Variants in TRAPPC9 observed in about 807,000 individuals in gnomAD.
TRAPPC9 encodes trafficking protein particle complex subunit 9, also known as IKK2 binding protein.
Under a neutral mutation model 124.0 loss-of-function variants are expected in TRAPPC9, and 83 were observed. That is an observed-to-expected ratio of 0.67 (90% confidence interval 0.56 to 0.80). The LOEUF (loss-of-function observed/expected upper bound fraction) is 0.80. Among genes scored for constraint, TRAPPC9 ranks in the 30% least tolerant of loss-of-function variants. The pLI is 0.00. For missense variants in TRAPPC9, 1,302 were observed against 1,508.3 expected (o/e 0.86, Z 2.27); for synonymous variants, 638 against 617.5 (o/e 1.03, Z -0.49).
intron 21 of TRAPPC9, among the ~76,000 whole-genome samples, chr8:139,827,713 G>C (rs189524693): frequency 6.6e-6 from 1 of 152,212 alleles, no homozygotes; most frequent in Admixed American, 6.5e-5. Flanking sequence ...GGAGGAGCTC[G>C]GTGCCAGGCT....
chr8:139,757,859 A>G lies in TRAPPC9; in HGVS notation c.3056-25657T>C, dbSNP rs1220762458. 2.0e-5 allele frequency among the ~76,000 whole-genome samples: 3 copies of G among 152,124 alleles called. No individual in the cohort carries two copies. In the East Asian group the frequency reaches 5.8e-4, roughly 29 times the overall value. On this transcript the variant is annotated intron_variant, in intron 21 of 22. Transcript: ENST00000438773. ...GGCTCGCCTCCCTGTCCAAGGGGGA[A>G]TCCCTGAACCCACGGCAAGGACGCT...
At chr8:140,458,267 TCCCCGC>T (rs772409227), upstream of TRAPPC9, 2 of 1,552,280 alleles carry the variant, frequency 1.3e-6, no homozygotes, top group Admixed American at 3.9e-5. Flanking sequence ...CCCAGTTCTG[TCCCCGC>T]CGCTTACCAG....
At chr8:140,031,276 G>T (rs1351626562) in intron 17 of TRAPPC9, among the ~76,000 whole-genome samples, 1 of 152,188 alleles carries the variant, frequency 6.6e-6, no homozygotes, top group East Asian at 1.9e-4. Flanking sequence ...CACTTGTCCA[G>T]TTCTCAGTCT....
intron 9 of TRAPPC9, among the ~76,000 whole-genome samples, chr8:140,323,063 C>T (rs1007381746): frequency 1.3e-5 from 2 of 152,176 alleles, no homozygotes; most frequent in African/African-American, 4.8e-5. Context: ...TAGAGCCCCA[C>T]CACGGGGGAC....
chr8:139,932,203 G>C (rs1230779279), intron 19 of TRAPPC9: 2 of 408,252 alleles, frequency 4.9e-6, no homozygotes, highest in Non-Finnish European at 9.9e-6. Flanking sequence ...CAGCCAGGCA[G>C]GCCCCGCAGG....
chr8:139,744,760 G>A (rs921929781), intron 21 of TRAPPC9, among the ~76,000 whole-genome samples: 6 of 152,338 alleles, frequency 3.9e-5, no homozygotes, highest in African/African-American at 1.2e-4. Flanking sequence ...TGCTGGCCCC[G>A]CATGTGTAAT....
chr8:140,454,510 C>A (rs1273348443), intron 1 of TRAPPC9, among the ~76,000 whole-genome samples: 1 of 149,786 alleles, frequency 6.7e-6, no homozygotes, highest in African/African-American at 2.5e-5. Context: ...CGTGGTGGCG[C>A]ATGCCTGTGA....
chr8:140,456,865 A>T (rs2071685057), intron 1 of TRAPPC9: 1 of 984,518 alleles, frequency 1.0e-6, no homozygotes, highest in South Asian at 4.7e-5. Flanking sequence ...AAGACAGACA[A>T]CGCATCCTAA....
intron 6 of TRAPPC9, among the ~76,000 whole-genome samples, chr8:140,400,669 T>C (rs905614929): frequency 2.6e-5 from 4 of 152,184 alleles, no homozygotes; most frequent in Non-Finnish European, 5.9e-5. Flanking sequence ...CTGGGGAGTA[T>C]CTCTTAAGCT....
intron 9 of TRAPPC9, among the ~76,000 whole-genome samples, chr8:140,354,099 G>A (rs761426162): frequency 9.2e-5 from 14 of 152,200 alleles, no homozygotes; most frequent in African/African-American, 1.4e-4. Context: ...AATTTAGTAC[G>A]GCCAAATACA....
At chr8:140,130,034 G>T (rs2061176262) in intron 17 of TRAPPC9, among the ~76,000 whole-genome samples, 1 of 152,186 alleles carries the variant, frequency 6.6e-6, no homozygotes, top group Non-Finnish European at 1.5e-5. Flanking sequence ...TTAGCCTGGA[G>T]CATCTCACGC....
At chr8:139,823,430 G>A (rs1267289018) in intron 21 of TRAPPC9, among the ~76,000 whole-genome samples, 1 of 151,914 alleles carries the variant, frequency 6.6e-6, no homozygotes, top group African/African-American at 2.4e-5. Context: ...AGGTGCCCAG[G>A]GTGTGGGTGG....
At chr8:140,079,588 T>G (rs1447636801) in intron 17 of TRAPPC9, among the ~76,000 whole-genome samples, 3 of 152,150 alleles carry the variant, frequency 2.0e-5, no homozygotes, top group Admixed American at 6.5e-5. Flanking sequence ...CTCCCCACTT[T>G]ATAACTACAG....
chr8:139,967,909 C>T (rs1275382385), intron 19 of TRAPPC9, among the ~76,000 whole-genome samples: 1 of 152,066 alleles, frequency 6.6e-6, no homozygotes, highest in African/African-American at 2.4e-5. Context: ...GAGGCCGAGG[C>T]GGGCGGACTG....
chr8:140,251,969 A>T (rs925393570), intron 16 of TRAPPC9, among the ~76,000 whole-genome samples: 2 of 152,112 alleles, frequency 1.3e-5, no homozygotes, highest in African/African-American at 4.8e-5. Context: ...GTTGACTGAA[A>T]GACTCCACAC....
chr8:140,141,629 C>T (rs1364777736), intron 17 of TRAPPC9, among the ~76,000 whole-genome samples: 1 of 152,060 alleles, frequency 6.6e-6, no homozygotes, highest in Non-Finnish European at 1.5e-5. Context: ...TAGTGGTGCT[C>T]TAGTTAACAA....
chr8:140,206,977 C>A (rs2062936808), intron 17 of TRAPPC9, among the ~76,000 whole-genome samples: 1 of 152,126 alleles, frequency 6.6e-6, no homozygotes, highest in South Asian at 2.1e-4. Context: ...GCACTTCTGC[C>A]TTCACGGAGC....
intron 10 of TRAPPC9, among the ~76,000 whole-genome samples, chr8:140,303,675 T>C (rs2066044447): frequency 6.6e-6 from 1 of 152,240 alleles, no homozygotes; most frequent in South Asian, 2.1e-4. Flanking sequence ...TAATTGAATT[T>C]TGGAACACAA....
chr8:139,805,941 T>C (rs965776146), intron 21 of TRAPPC9, among the ~76,000 whole-genome samples: 3 of 152,216 alleles, frequency 2.0e-5, no homozygotes, highest in Non-Finnish European at 4.4e-5. Context: ...AATGTATCCA[T>C]ATAATCACAT....
Sources: allele counts gnomAD v4.1 joint callset (sites outside exome capture counted in the v4.1 genomes callset), GRCh38; gene constraint gnomAD v4.1.1; transcripts MANE v1.5; gene names NCBI Gene and HGNC (gene_info 2026-07-23, HGNC 2026-07-21).